The following FMN2 variants were observed in gnomAD, a reference collection of about 807,000 sequenced individuals.
The protein encoded by FMN2 is formin-2.
In FMN2, 51 loss-of-function variants were observed where a neutral mutation model predicts 142.3. That is an observed-to-expected ratio of 0.36 (90% CI 0.29 to 0.45). The LOEUF is 0.45. FMN2 is among the 20% of genes least tolerant of loss of function. The probability of loss-of-function intolerance (pLI) is 1.00; values close to 1 mark genes in which losing one functional copy is unlikely to be tolerated. For synonymous variants in FMN2, 882 were observed against 869.8 expected (o/e 1.01, Z -0.25); for missense variants, 1,936 against 2,122.8 (o/e 0.91, Z 1.73).
chr1:240,289,969 G>A (rs1418575550), intron 7 of FMN2, among the ~76,000 whole-genome samples: 1 of 152,256 alleles, frequency 6.6e-6, no homozygotes, highest in African/African-American at 2.4e-5. Flanking sequence ...AGAATAAGAA[G>A]CATGTACCAC....
At chr1:240,187,462 A>T (rs1198798459) in intron 3 of FMN2, among the ~76,000 whole-genome samples, 1 of 152,052 alleles carries the variant, frequency 6.6e-6, no homozygotes, top group Admixed American at 6.6e-5. Context: ...TGAAAGGTGC[A>T]GAGGATGGAT....
chr1:240,332,390 C>A (rs982025591), intron 11 of FMN2, among the ~76,000 whole-genome samples: 1 of 128,732 alleles, frequency 7.8e-6, no homozygotes, highest in African/African-American at 3.1e-5. Flanking sequence ...GAAAGAAAAG[C>A]CCTTTTCTTA....
In FMN2 at chr1:240,376,337, G is replaced by A. The variant is rs1673041384; in HGVS notation, c.4859-16174G>A. On this transcript the variant is annotated intron_variant, in intron 14 of 17. Coordinates refer to ENST00000319653, the MANE Select transcript of FMN2 (RefSeq NM_020066.5). ...ATTTACATTTAATGTAGTAATGATA[G>A]AGTTGAGTTTAATTTATGATCTTTA... Among the ~76,000 whole-genome samples, 3 of 152,014 alleles carry A rather than the reference G, an allele frequency of 2.0e-5. No homozygotes were observed. In the South Asian group the frequency reaches 6.2e-4, roughly 32 times the overall value.
intron 3 of FMN2, among the ~76,000 whole-genome samples, chr1:240,187,301 AAAAC>A (rs1244533723): frequency 6.6e-6 from 1 of 151,456 alleles, no homozygotes; most frequent in African/African-American, 2.4e-5. Context: ...AGAAAAGAAA[AAAAC>A]AAAACCAAAA....
chr1:240,194,192 C>T (rs1665826059), intron 4 of FMN2, among the ~76,000 whole-genome samples: 1 of 152,050 alleles, frequency 6.6e-6, no homozygotes, highest in African/African-American at 2.4e-5. Context: ...TTGTTCTAGA[C>T]ACTGGACTTG....
intron 16 of FMN2, among the ~76,000 whole-genome samples, chr1:240,465,119 G>A (rs1021354271): frequency 3.9e-5 from 6 of 152,058 alleles, no homozygotes; most frequent in Admixed American, 6.6e-5. Flanking sequence ...CAGAGAGCTC[G>A]TAATAAACTT....
intron 7 of FMN2, among the ~76,000 whole-genome samples, chr1:240,269,088 C>T (rs1668908252): frequency 6.6e-6 from 1 of 151,886 alleles, no homozygotes; most frequent in Non-Finnish European, 1.5e-5. Context: ...ACTTTCATTG[C>T]CTGTGCTTTT....
At chr1:240,286,548 C>G (rs6655951) in intron 7 of FMN2, among the ~76,000 whole-genome samples, 1 of 152,036 alleles carries the variant, frequency 6.6e-6, no homozygotes, top group Non-Finnish European at 1.5e-5. Context: ...TTAAGGTCTA[C>G]GAAACTGAGT....
At chr1:240,128,036 A>G (rs1187959148) in intron 2 of FMN2, among the ~76,000 whole-genome samples, 10 of 152,196 alleles carry the variant, frequency 6.6e-5, no homozygotes, top group African/African-American at 2.2e-4. Flanking sequence ...GCAGCTGGGT[A>G]GATGGTTGTG....
intron 13 of FMN2, among the ~76,000 whole-genome samples, chr1:240,335,417 T>A (rs1377775006): frequency 1.3e-5 from 2 of 152,196 alleles, no homozygotes; most frequent in Admixed American, 6.5e-5. Flanking sequence ...TATTTTAAGC[T>A]AAGAATGAAT....
At chr1:240,362,123 T>A (rs1672508133) in intron 14 of FMN2, among the ~76,000 whole-genome samples, 1 of 152,180 alleles carries the variant, frequency 6.6e-6, no homozygotes, top group South Asian at 2.1e-4. Context: ...TCTGAGCTTT[T>A]AACATAGAAG....
In FMN2 at chr1:240,357,386, A is replaced by G. The variant is rs74543221; in HGVS notation, c.4858+1478A>G. Among the ~76,000 whole-genome samples the G allele has an allele frequency of 2.8e-3, 426 of 152,290 alleles. 2 individuals are homozygous for G. The highest frequency in any genetic ancestry group is 9.6e-3 in the African/African-American group (399 of 41,560). ...TTGAGACTAGTGTTTTCCATACTGA[A>G]TAGTGAAATTATGTTTTGCAACACA... On this transcript the variant is annotated intron_variant, in intron 14 of 17. Transcript: ENST00000319653.
chr1:240,219,086 C>T (rs1305380466), intron 6 of FMN2, among the ~76,000 whole-genome samples: 1 of 152,138 alleles, frequency 6.6e-6, no homozygotes, highest in Non-Finnish European at 1.5e-5. Context: ...GGTTTCCGTG[C>T]AGCTCATTTA....
chr1:240,459,717 TAAAAAAAAAAAAAAAAAAA>T (rs57065226), intron 16 of FMN2, among the ~76,000 whole-genome samples: 4,229 of 67,120 alleles, frequency 0.063, 340 homozygotes, highest in African/African-American at 0.2. Context: ...ACTCTGTCTC[TAAAAAAAAAAAAAAAAAAA>T]AAAAAAAAAA....
intron 7 of FMN2, among the ~76,000 whole-genome samples, chr1:240,292,170 G>C (rs192673086): frequency 6.6e-6 from 1 of 152,236 alleles, no homozygotes; most frequent in East Asian, 1.9e-4. Flanking sequence ...CTGTCACCTT[G>C]ATATAATTTC....
intron 1 of FMN2, among the ~76,000 whole-genome samples, chr1:240,096,564 G>A (rs990386771): frequency 2.0e-5 from 3 of 152,124 alleles, no homozygotes; most frequent in African/African-American, 7.2e-5. Flanking sequence ...CAGAGGCTTG[G>A]GGAACACTGG....
Position 240,473,049 on chromosome 1 carries a change from T to TC in FMN2, c.5142+597dup, listed in dbSNP as rs1379481326. Reference sequence around the variant, plus strand: ...AGGGGCAGGGTGGGGAGACCATCTTTCACTTTCTTTGTTACACACAGATCA... The same window carrying TC: ...AGGGGCAGGGTGGGGAGACCATCTTTCCACTTTCTTTGTTACACACAGATCA... On this transcript the variant is annotated intron_variant, in intron 17 of 17. Transcript: ENST00000319653. The surrounding 1 kb of genome is among the most constrained non-coding windows in gnomAD (Gnocchi z 4.3). Among the ~76,000 whole-genome samples, 2 of 152,108 alleles carry TC rather than the reference T, an allele frequency of 1.3e-5. No homozygotes were observed. The highest frequency in any genetic ancestry group is 2.9e-5 in the Non-Finnish European group (2 of 68,026).
At chr1:240,142,965 A>G in intron 2 of FMN2, 1 of 1,594,978 alleles carries the variant, frequency 6.3e-7, no homozygotes, top group Non-Finnish European at 8.6e-7. Flanking sequence ...TTTGCCTAGA[A>G]TAATGTTTCG....
chr1:240,145,835 T>C (rs1663442449), intron 2 of FMN2, among the ~76,000 whole-genome samples: 1 of 152,012 alleles, frequency 6.6e-6, no homozygotes, highest in Non-Finnish European at 1.5e-5. Flanking sequence ...ATATTCAAAA[T>C]AGATGGCAGC....
Sources: gnomAD v4.1 joint callset for allele counts (sites outside exome capture counted in the v4.1 genomes callset) on GRCh38, gnomAD v4.1.1 for gene constraint, Gnocchi (gnomAD v3.1) non-coding constraint, MANE v1.5 for transcripts, NCBI Gene and HGNC (gene_info 2026-07-23, HGNC 2026-07-21) for gene names.